The following SPATA13 variants were observed in gnomAD, a reference collection of about 807,000 sequenced individuals.
SPATA13 encodes spermatogenesis-associated protein 13.
SPATA13 carries 50 observed loss-of-function variants against 104.0 expected under a neutral mutation model. That is an observed-to-expected ratio of 0.48 (90% CI 0.38 to 0.61). The LOEUF is 0.61. Among genes scored for constraint, SPATA13 ranks in the 20% least tolerant of loss-of-function variants. The pLI, the probability that SPATA13 is intolerant of heterozygous loss-of-function variation, is 0.00. For synonymous variants in SPATA13, 606 were observed against 667.5 expected (o/e 0.91, Z 1.42); for missense variants, 1,524 against 1,690.6 (o/e 0.90, Z 1.73).
chr13:24,120,355 A>G (rs1325663), intron 3 of SPATA13, among the ~76,000 whole-genome samples: 150,515 of 152,364 alleles, frequency 0.99, 74,362 homozygotes, highest in Middle Eastern at 1. Context: ...ACTAACTTTG[A>G]CACTTTGGCT....
At chr13:24,191,777 T>A (rs2138552259) in intron 1 of SPATA13, among the ~76,000 whole-genome samples, 1 of 152,244 alleles carries the variant, frequency 6.6e-6, no homozygotes, top group African/African-American at 2.4e-5. Flanking sequence ...CCCAAAGTGC[T>A]GGGATTACAG....
At chr13:23,985,687 A>C (rs990784570) in intron 2 of SPATA13, among the ~76,000 whole-genome samples, 1 of 152,216 alleles carries the variant, frequency 6.6e-6, no homozygotes, top group Admixed American at 6.5e-5. Context: ...GTCTTTCTTC[A>C]TTATTGATAG....
At chr13:24,077,262 C>CAAAAA (rs60810328) in intron 3 of SPATA13, among the ~76,000 whole-genome samples, 39 of 72,946 alleles carry the variant, frequency 5.3e-4, no homozygotes, top group East Asian at 1.3e-3. Flanking sequence ...GACTCCATGT[C>CAAAAA]AAAAAAAAAA....
At chr13:24,177,657 C>T (rs1390836911) in intron 1 of SPATA13, among the ~76,000 whole-genome samples, 1 of 151,754 alleles carries the variant, frequency 6.6e-6, no homozygotes. Flanking sequence ...GACAGGGTCT[C>T]CTGTGTTGCC....
intron 2 of SPATA13, among the ~76,000 whole-genome samples, chr13:24,010,718 C>G (rs534238787): frequency 6.6e-6 from 1 of 152,190 alleles, no homozygotes; most frequent in African/African-American, 2.4e-5. Flanking sequence ...CCCCACTCCT[C>G]CCTCCCTCCT....
At chr13:24,043,092 G>A (rs2137731305) in intron 3 of SPATA13, among the ~76,000 whole-genome samples, 1 of 152,270 alleles carries the variant, frequency 6.6e-6, no homozygotes, top group Non-Finnish European at 1.5e-5. Flanking sequence ...TCAGGTGTTG[G>A]CGAGGTCACA....
intron 2 of SPATA13, 94 bp from the exon 3 acceptor site, chr13:24,249,383 G>A (rs897274082): frequency 5.0e-6 from 7 of 1,406,008 alleles, no homozygotes; most frequent in Non-Finnish European, 6.6e-6. Context: ...AAAACCCGAG[G>A]CACGGCTGTG....
chr13:24,102,463 T>C (rs9511050), intron 3 of SPATA13, among the ~76,000 whole-genome samples: 39,313 of 146,428 alleles, frequency 0.27, 5,833 homozygotes, highest in Non-Finnish European at 0.33. Context: ...TTTCATTTGC[T>C]TCACAGAATT....
intron 2 of SPATA13, among the ~76,000 whole-genome samples, chr13:24,012,540 C>T (rs1446984915): frequency 6.6e-6 from 1 of 152,218 alleles, no homozygotes; most frequent in Non-Finnish European, 1.5e-5. Context: ...TCTCACTTGG[C>T]CCTTCGAGTT....
intron 1 of SPATA13, among the ~76,000 whole-genome samples, chr13:24,165,165 G>T (rs1019870898): frequency 6.6e-6 from 1 of 152,168 alleles, no homozygotes; most frequent in Non-Finnish European, 1.5e-5. Context: ...TGACTTCTTG[G>T]TGAGCAATCA....
intron 2 of SPATA13, among the ~76,000 whole-genome samples, chr13:24,230,718 G>A (rs1253973572): frequency 6.6e-6 from 1 of 152,166 alleles, no homozygotes; most frequent in South Asian, 2.1e-4. Context: ...TGCATCTATT[G>A]TGCTCAGGGA....
At chr13:23,990,622 A>C (rs780923123) in intron 2 of SPATA13, among the ~76,000 whole-genome samples, 2 of 152,202 alleles carry the variant, frequency 1.3e-5, no homozygotes, top group African/African-American at 2.4e-5. Flanking sequence ...TCTCAGATCC[A>C]GCATGTCCCT....
At chr13:23,980,192 A>C (rs1048145751) in intron 1 of SPATA13, among the ~76,000 whole-genome samples, 3 of 152,256 alleles carry the variant, frequency 2.0e-5, no homozygotes, top group African/African-American at 4.8e-5. Flanking sequence ...CTCAAAAAAA[A>C]AAGAAGAAAA....
At chr13:24,084,061 G>A (rs568141986) in intron 3 of SPATA13, among the ~76,000 whole-genome samples, 22 of 152,172 alleles carry the variant, frequency 1.4e-4, no homozygotes, top group East Asian at 7.7e-4. Context: ...TTTAACAAGC[G>A]TTTTTACTCC....
chr13:24,226,361 C>T (rs1230723794), intron 2 of SPATA13, among the ~76,000 whole-genome samples: 1 of 152,116 alleles, frequency 6.6e-6, no homozygotes. Flanking sequence ...TGGTACCTGT[C>T]GGCCTTTGAA....
rs564977131 is a variant in SPATA13, at chr13:24,302,364, A to AG, written c.3659-232dup. On this transcript the variant is annotated intron_variant, in intron 12 of 12. Transcript: ENST00000382108. ...GTAGGTCCAGCTACTTAGGAGGCTG[A>AG]GGTGGGAGGATCGCTTGAGCCTGGG... Among the ~76,000 whole-genome samples, 7 of 144,640 alleles carry AG rather than the reference A, an allele frequency of 4.8e-5. No individual in the cohort carries two copies. In the South Asian group the frequency reaches 1.6e-3, roughly 33 times the overall value. 94.9% of individuals were successfully genotyped at this position (144,640 alleles called of 152,430 possible).
intron 3 of SPATA13, among the ~76,000 whole-genome samples, chr13:24,049,940 T>G (rs1878282377): frequency 6.6e-6 from 1 of 152,194 alleles, no homozygotes; most frequent in Non-Finnish European, 1.5e-5. Context: ...TAGCACAATC[T>G]CAGCTCACTG....
At chr13:24,114,391 G>GCATGTGTGCACATGCGCGTGTGCC (rs1880762306) in intron 3 of SPATA13, among the ~76,000 whole-genome samples, 1 of 66,030 alleles carries the variant, frequency 1.5e-5, no homozygotes, top group Non-Finnish European at 4.1e-5. Flanking sequence ...GCGCGTGTGT[G>GCATGTGTGCACATGCGCGTGTGCC]TGCATGTGTG....
intron 3 of SPATA13, among the ~76,000 whole-genome samples, chr13:24,151,744 C>A (rs1007786892): frequency 1.3e-5 from 2 of 152,216 alleles, no homozygotes; most frequent in African/African-American, 4.8e-5. Flanking sequence ...CAGTTCCTAC[C>A]ATTTAGGGTT....
Sources: allele counts gnomAD v4.1 joint callset (sites outside exome capture counted in the v4.1 genomes callset), GRCh38; gene constraint gnomAD v4.1.1; transcripts MANE v1.5; gene names NCBI Gene and HGNC (gene_info 2026-07-23, HGNC 2026-07-21).